The following HTR2C variants were observed in gnomAD, a reference collection of about 807,000 sequenced individuals.
HTR2C encodes 5-hydroxytryptamine (serotonin) receptor 2C, G protein-coupled.
Under a neutral mutation model 21.0 loss-of-function variants are expected in HTR2C, and 5 were observed. That is an observed-to-expected ratio of 0.24 (90% CI 0.12 to 0.50). The LOEUF (loss-of-function observed/expected upper bound fraction) is 0.50. HTR2C is among the 20% of genes least tolerant of loss of function. The pLI is 0.98. For missense variants in HTR2C, 271 were observed against 371.2 expected (o/e 0.73, Z 2.22); for synonymous variants, 150 against 145.3 (o/e 1.03, Z -0.23).
At chrX:114,648,791 T>C (rs1930453500) in intron 2 of HTR2C, among the ~76,000 whole-genome samples, 1 of 111,868 alleles carries the variant, frequency 8.9e-6, no homozygotes, top group Non-Finnish European at 1.9e-5. Flanking sequence ...TAGTCTGTGT[T>C]AGGCTCTAGT....
At chrX:114,706,677 T>A (rs1274999740) in intron 2 of HTR2C, among the ~76,000 whole-genome samples, 1 of 107,385 alleles carries the variant, frequency 9.3e-6, no homozygotes, top group Non-Finnish European at 1.9e-5. Context: ...AACCTACACA[T>A]TGTACACATG....
intron 4 of HTR2C, among the ~76,000 whole-genome samples, chrX:114,767,740 T>A (rs1032126191): frequency 2.8e-5 from 3 of 107,964 alleles, no homozygotes; most frequent in Non-Finnish European, 5.8e-5. Flanking sequence ...AAAATATATA[T>A]AAAATAAATA....
At chrX:114,685,846 T>C (rs1462621786) in intron 2 of HTR2C, among the ~76,000 whole-genome samples, 1 of 112,022 alleles carries the variant, frequency 8.9e-6, no homozygotes, top group Non-Finnish European at 1.9e-5. Flanking sequence ...ATTACTCAAA[T>C]TAGCTGATGT....
At chrX:114,904,223 T>G (rs1330855962) in intron 5 of HTR2C, among the ~76,000 whole-genome samples, 1 of 111,469 alleles carries the variant, frequency 9.0e-6, no homozygotes, top group Non-Finnish European at 1.9e-5. Context: ...TTGAAAAAAA[T>G]TATTAAACTT....
intron 2 of HTR2C, among the ~76,000 whole-genome samples, chrX:114,689,246 C>T (rs1193616576): frequency 1.4e-5 from 1 of 70,467 alleles, no homozygotes; most frequent in African/African-American, 5.4e-5. Flanking sequence ...TTTTCTTTAT[C>T]CACTCATTGC....
intron 4 of HTR2C, among the ~76,000 whole-genome samples, chrX:114,789,023 A>G (rs1556442806): frequency 8.9e-6 from 1 of 112,139 alleles, no homozygotes; most frequent in African/African-American, 3.2e-5. Flanking sequence ...TAAGTTTGGC[A>G]TGAAATGACT....
chrX:114,666,712 T>A (rs1931192068), intron 2 of HTR2C, among the ~76,000 whole-genome samples: 1 of 111,231 alleles, frequency 9.0e-6, no homozygotes, highest in African/African-American at 3.3e-5. Flanking sequence ...TACATATGAC[T>A]TTTTTCTTTT....
intron 2 of HTR2C, among the ~76,000 whole-genome samples, chrX:114,663,863 C>T (rs782299878): frequency 2.7e-5 from 3 of 111,361 alleles, no homozygotes; most frequent in Non-Finnish European, 3.8e-5. Flanking sequence ...CAGGCAATCT[C>T]GTAATGTGTT....
rs1932966238 is a variant in HTR2C at position 114,715,172 on chromosome X, T to A, written c.-79-11686T>A. On this transcript the variant is annotated intron_variant, in intron 2 of 5. Coordinates refer to ENST00000276198, the MANE Select transcript of HTR2C (RefSeq NM_000868.4). The stretch of plus-strand genomic sequence containing the variant: ...ACCCTTCAACTTTGAAGTAGCTTTT[T>A]GTTTGTTTCTTTCCCCTTTATATAG... 1.8e-5 allele frequency: 5 copies of A among 282,182 alleles called. No homozygotes were observed. The East Asian group carries it at 4.6e-4, about 26-fold the overall frequency. The allele number at this position is 282,182 out of a possible 1,213,427, so 23.3% of individuals were successfully genotyped here.
chrX:114,622,219 T>C (rs1252338005), intron 2 of HTR2C, among the ~76,000 whole-genome samples: 3 of 111,655 alleles, frequency 2.7e-5, no homozygotes, highest in African/African-American at 9.8e-5. Context: ...GATTGAAGAT[T>C]TGAAAAATGG....
intron 4 of HTR2C, among the ~76,000 whole-genome samples, chrX:114,757,885 A>C (rs1211427286): frequency 9.0e-6 from 1 of 111,636 alleles, no homozygotes; most frequent in Non-Finnish European, 1.9e-5. Flanking sequence ...CAGCCTGCTA[A>C]GATACCTGTA....
At chrX:114,770,990 C>T (rs782642327) in intron 4 of HTR2C, among the ~76,000 whole-genome samples, 9 of 109,551 alleles carry the variant, frequency 8.2e-5, no homozygotes, top group South Asian at 7.9e-4. Context: ...TTAATAGAGA[C>T]GAGGTTTCAC....
chrX:114,837,216 T>G (rs1569498593), intron 4 of HTR2C, among the ~76,000 whole-genome samples: 1 of 112,070 alleles, frequency 8.9e-6, no homozygotes, highest in African/African-American at 3.2e-5. Context: ...ATGAAGTATG[T>G]TGGGAAATAA....
intron 4 of HTR2C, among the ~76,000 whole-genome samples, chrX:114,836,884 C>G (rs1355466624): frequency 8.9e-6 from 1 of 111,845 alleles, no homozygotes; most frequent in Non-Finnish European, 1.9e-5. Context: ...TTTATGTACA[C>G]AATCATGTTT....
At chrX:114,806,011 C>T (rs1251246841) in intron 4 of HTR2C, among the ~76,000 whole-genome samples, 1 of 92,454 alleles carries the variant, frequency 1.1e-5, no homozygotes, top group Non-Finnish European at 2.1e-5. Context: ...ACTATATATA[C>T]CATATCTATA....
intron 4 of HTR2C, among the ~76,000 whole-genome samples, chrX:114,791,332 A>T (rs782017837): frequency 1.8e-5 from 2 of 112,469 alleles, no homozygotes; most frequent in Non-Finnish European, 3.8e-5. Context: ...TACATAAAAC[A>T]TGTACACCAA....
chrX:114,733,648 A>C (rs2069558931), intron 4 of HTR2C, among the ~76,000 whole-genome samples: 1 of 108,881 alleles, frequency 9.2e-6, no homozygotes, highest in Non-Finnish European at 1.9e-5. Context: ...GGGGAAATTT[A>C]TCATCTTACA....
At chrX:114,717,394 T>G (rs1044095665) in intron 2 of HTR2C, among the ~76,000 whole-genome samples, 3 of 112,219 alleles carry the variant, frequency 2.7e-5, no homozygotes, top group Non-Finnish European at 5.6e-5. Flanking sequence ...TTAAAAAAAT[T>G]TAGTGTGAAA....
rs781868152 is a variant in HTR2C at position 114,605,091 on chromosome X, A to C, written c.-146-8724A>C. ...CAGGGTTGCTGCCAAACAAGTCATG[A>C]ACTGGGCTGGATTTTTATATTTGAT... On this transcript the variant is annotated intron_variant, in intron 1 of 5. Transcript: ENST00000276198. 3.0e-3 allele frequency among the ~76,000 whole-genome samples: 333 copies of C among 111,168 alleles called. 5 individuals carry two copies. Among genetic ancestry groups the C allele is most frequent in the African/African-American group, 0.01 (320 of 30,482 alleles).
Sources: gnomAD v4.1 joint callset for allele counts (sites outside exome capture counted in the v4.1 genomes callset) on GRCh38, gnomAD v4.1.1 for gene constraint, MANE v1.5 for transcripts, NCBI Gene and HGNC (gene_info 2026-07-23, HGNC 2026-07-21) for gene names.